Variants in ABCC4 observed in about 807,000 individuals in gnomAD.
ABCC4 encodes ATP binding cassette subfamily C member 4 (PEL blood group).
In ABCC4, 102 loss-of-function variants were observed where a neutral mutation model predicts 168.5. The observed-to-expected ratio is 0.61, with a 90% confidence interval of 0.52 to 0.71. The LOEUF is 0.71. ABCC4 is among the 30% of genes least tolerant of loss of function. ABCC4 has a pLI of 0.00. For synonymous variants in ABCC4, 617 were observed against 590.7 expected (o/e 1.04, Z -0.65); for missense variants, 1,402 against 1,605.8 (o/e 0.87, Z 2.17).
intron 20 of ABCC4, among the ~76,000 whole-genome samples, chr13:95,109,314 C>T (rs1408863264): frequency 7.3e-5 from 11 of 151,542 alleles, no homozygotes; most frequent in African/African-American, 2.2e-4. Context: ...ATCACTAATG[C>T]GAAAGAGAGA....
intron 20 of ABCC4, among the ~76,000 whole-genome samples, chr13:95,107,447 GAAT>G (rs2035047636): frequency 6.6e-6 from 1 of 152,132 alleles, no homozygotes. Flanking sequence ...CACTTCCAGT[GAAT>G]AATATTAGTA....
intron 1 of ABCC4, among the ~76,000 whole-genome samples, chr13:95,259,321 G>A (rs1008039381): frequency 2.0e-4 from 30 of 151,668 alleles, no homozygotes; most frequent in African/African-American, 6.0e-4. Flanking sequence ...TGGAGGTTGC[G>A]GTGAGCTGAG....
At chr13:95,115,808 T>C in intron 20 of ABCC4, 114 bp downstream of exon 20, 1 of 814,518 alleles carries the variant, frequency 1.2e-6, no homozygotes, top group East Asian at 2.5e-5. Flanking sequence ...TTTATTAAGT[T>C]AACATTACAC....
At chr13:95,086,561 C>T (rs2034263575) in intron 20 of ABCC4, among the ~76,000 whole-genome samples, 3 of 152,202 alleles carry the variant, frequency 2.0e-5, no homozygotes, top group South Asian at 4.1e-4. Context: ...CATTTAACCA[C>T]CAAACTGCTT....
chr13:95,260,985 G>A lies in ABCC4; in HGVS notation c.75-13232C>T, dbSNP rs112820850. Among the ~76,000 whole-genome samples the A allele has an allele frequency of 2.3e-3, 343 of 151,532 alleles. 1 individual carries two copies. The highest frequency in any genetic ancestry group is 7.5e-3 in the African/African-American group (312 of 41,332). The stretch of plus-strand genomic sequence containing the variant: ...TGTGACTCTACCACAAAAATAAGCA[G>A]ATGCACAAGAAGTCAGTTTAAAATT... On this transcript the variant is annotated intron_variant, in intron 1 of 30. Transcript: ENST00000645237.
chr13:95,189,052 C>G (rs887217457), intron 9 of ABCC4, among the ~76,000 whole-genome samples: 2 of 151,914 alleles, frequency 1.3e-5, no homozygotes, highest in South Asian at 2.1e-4. Flanking sequence ...CCTTGCCCCC[C>G]ACCCACCGAC....
At chr13:95,143,634 C>T (rs1391990751) in intron 19 of ABCC4, among the ~76,000 whole-genome samples, 1 of 152,128 alleles carries the variant, frequency 6.6e-6, no homozygotes, top group Non-Finnish European at 1.5e-5. Flanking sequence ...CCCAGTAGGA[C>T]ACAAATGCCA....
chr13:95,066,462 C>T (rs1783174324), intron 25 of ABCC4, among the ~76,000 whole-genome samples: 1 of 152,146 alleles, frequency 6.6e-6, no homozygotes, highest in African/African-American at 2.4e-5. Flanking sequence ...TTATTTGTAT[C>T]ACCTGTGGTG....
chr13:95,085,603 T>A (rs1292027283), intron 20 of ABCC4, among the ~76,000 whole-genome samples: 1 of 152,224 alleles, frequency 6.6e-6, no homozygotes, highest in African/African-American at 2.4e-5. Flanking sequence ...AATCACAGTT[T>A]GCTTGCTGCG....
At chr13:95,102,715 A>T (rs941497761) in intron 20 of ABCC4, among the ~76,000 whole-genome samples, 11 of 150,274 alleles carry the variant, frequency 7.3e-5, no homozygotes, top group African/African-American at 2.4e-4. Flanking sequence ...TGTCTCCTGG[A>T]TTCAAGCAAT....
intron 26 of ABCC4, among the ~76,000 whole-genome samples, chr13:95,060,662 G>A (rs555080103): frequency 2.6e-5 from 4 of 152,122 alleles, no homozygotes; most frequent in Non-Finnish European, 5.9e-5. Context: ...GGAATCTAAC[G>A]TGCTAAACAT....
intron 1 of ABCC4, among the ~76,000 whole-genome samples, chr13:95,290,997 C>CAAA (rs762030761): frequency 8.2e-5 from 3 of 36,428 alleles, no homozygotes; most frequent in East Asian, 8.9e-4. Context: ...GACCCTGTCT[C>CAAA]AAAAAAAAAA....
At position 95,205,751 on chromosome 13, in the gene ABCC4, C is replaced by T. The variant is rs190727862; in HGVS notation, c.1161+781G>A. ...TGGGGCCTCTAAGAGGTGATCAGGT[C>T]GCTACGGCAGAGCCCTCCTGAAGGG... On this transcript the variant is annotated intron_variant, in intron 8 of 30. Transcript: ENST00000645237. Among the ~76,000 whole-genome samples, 486 of 152,280 alleles carry T rather than the reference C, an allele frequency of 3.2e-3. 2 individuals carry two copies. The highest frequency in any genetic ancestry group is 9.7e-3 in the Admixed American group (149 of 15,302).
chr13:95,085,998 C>A (rs1201775930), intron 20 of ABCC4, among the ~76,000 whole-genome samples: 1 of 63,744 alleles, frequency 1.6e-5, no homozygotes, highest in East Asian at 3.2e-4. Flanking sequence ...ATATCCTACA[C>A]ACGATTCATA....
intron 8 of ABCC4, among the ~76,000 whole-genome samples, chr13:95,198,272 A>G (rs1031768784): frequency 6.6e-5 from 10 of 152,206 alleles, no homozygotes; most frequent in Non-Finnish European, 1.2e-4. Context: ...AAGAAAAAAA[A>G]CAACCCCATC....
intron 21 of ABCC4, among the ~76,000 whole-genome samples, chr13:95,080,359 T>C (rs951769404): frequency 6.6e-6 from 1 of 151,636 alleles, no homozygotes; most frequent in Non-Finnish European, 1.5e-5. Context: ...CTTGCAAACA[T>C]AAAATGATCA....
At chr13:95,193,828 C>A (rs1235120167) in intron 9 of ABCC4, among the ~76,000 whole-genome samples, 1 of 152,196 alleles carries the variant, frequency 6.6e-6, no homozygotes, top group African/African-American at 2.4e-5. Context: ...AGTTCAGAGG[C>A]GAACGCCTCA....
At chr13:95,115,504 A>AG in intron 20 of ABCC4, among the ~76,000 whole-genome samples, 1 of 32,210 alleles carries the variant, frequency 3.1e-5, no homozygotes, top group East Asian at 7.1e-4. Context: ...GTTCTATCCA[A>AG]AAAAAAAAAA....
intron 3 of ABCC4, among the ~76,000 whole-genome samples, chr13:95,239,567 G>A (rs200845412): frequency 2.6e-5 from 4 of 152,116 alleles, no homozygotes; most frequent in East Asian, 1.9e-4. Flanking sequence ...GCCCAACTTC[G>A]ATAGACTCCC....
Sources: gnomAD v4.1 joint callset for allele counts (sites outside exome capture counted in the v4.1 genomes callset) on GRCh38, gnomAD v4.1.1 for gene constraint, MANE v1.5 for transcripts, NCBI Gene and HGNC (gene_info 2026-07-23, HGNC 2026-07-21) for gene names.